GPI: variants seen among roughly 807,000 people sequenced by gnomAD.
GPI encodes D-hexose-6-phosphate anomerase.
Under a neutral mutation model 75.8 loss-of-function variants are expected in GPI, and 56 were observed. The ratio of observed to expected loss-of-function variants is 0.74; its 90% CI spans 0.60 to 0.92. The LOEUF (loss-of-function observed/expected upper bound fraction) is 0.92. GPI is among the 40% of genes least tolerant of loss of function. The pLI, the probability that GPI is intolerant of heterozygous loss-of-function variation, is 0.00. For synonymous variants in GPI, 288 were observed against 285.4 expected (o/e 1.01, Z -0.09); for missense variants, 638 against 741.0 (o/e 0.86, Z 1.61).
At position 34,378,930 on chromosome 19, in the gene GPI, G is replaced by A; in HGVS notation, c.634-4G>A. 2 of 1,613,766 alleles carry A rather than the reference G, an allele frequency of 1.2e-6. No homozygotes were observed. Among genetic ancestry groups the A allele is most frequent in the Admixed American group, 3.3e-5 (2 of 60,032 alleles). ...GCGCCCACTGCTGTTCTCTTTGGTT[G>A]CAGACCTTTACTACCCAGGAGACCA... On this transcript the variant is annotated splice_region_variant and splice_polypyrimidine_tract_variant and intron_variant, in intron 6 of 17. Transcript: ENST00000356487.
intron 9 of GPI, chr19:34,392,873 G>T: frequency 1.6e-5 from 5 of 322,496 alleles, no homozygotes; most frequent in South Asian, 9.1e-5. Flanking sequence ...GAGGCCTGGG[G>T]TCTGTCCGTG....
At chr19:34,397,571 C>T (rs911683866) in intron 14 of GPI, 23 of 152,216 alleles carry the variant, frequency 1.5e-4, no homozygotes, top group African/African-American at 5.5e-4. Context: ...TTCTCAACGT[C>T]CCAGGCTCAA....
chr19:34,367,712 T>G (rs2074387680), intron 3 of GPI, among the ~76,000 whole-genome samples: 1 of 152,190 alleles, frequency 6.6e-6, no homozygotes, highest in Non-Finnish European at 1.5e-5. Context: ...GCCAGCCGCC[T>G]GGCACCCGTC....
upstream of GPI, chr19:34,363,472 C>A (rs1417086725): frequency 1.3e-5 from 2 of 152,208 alleles, no homozygotes; most frequent in Admixed American, 6.5e-5. Flanking sequence ...GGTGGGAATT[C>A]TCTTCTGTGT....
At chr19:34,365,052 C>A (rs1182916184), upstream of GPI, 16 of 1,446,650 alleles carry the variant, frequency 1.1e-5, no homozygotes, top group East Asian at 6.1e-5. Context: ...CCCAGATCAG[C>A]GGCCGCGGGC....
intron 14 of GPI, chr19:34,398,195 C>T (rs559761439): frequency 9.2e-5 from 14 of 152,212 alleles, no homozygotes; most frequent in African/African-American, 3.4e-4. Flanking sequence ...GGAACAGGCA[C>T]ACGCCACCAC....
intron 2 of GPI, 59 bp downstream of exon 2, chr19:34,366,494 C>T: frequency 2.6e-6 from 3 of 1,152,676 alleles, no homozygotes; most frequent in Non-Finnish European, 4.0e-6. Flanking sequence ...GTGAGCTGGG[C>T]TCCTGGGAGT....
At position 34,366,329 on chromosome 19, in the gene GPI, C is replaced by G. The variant is rs763394513; in HGVS notation, c.123-16C>G. On this transcript the variant is annotated splice_polypyrimidine_tract_variant and intron_variant, in intron 1 of 17. Transcript: ENST00000356487. ...GAGACCAGGGTGTGGTCAGCAGCAT[C>G]TCCATCTTTCTGCAGCTTGACCCTC... 3 of 1,543,002 alleles carry G rather than the reference C, an allele frequency of 1.9e-6. No homozygotes were observed. The African/African-American group carries it at 4.1e-5, about 21-fold the overall frequency.
At chr19:34,381,914 A>G (rs1235174854) in intron 9 of GPI, among the ~76,000 whole-genome samples, 1 of 152,190 alleles carries the variant, frequency 6.6e-6, no homozygotes, top group Non-Finnish European at 1.5e-5. Flanking sequence ...ATGACCGGGT[A>G]GGCCTGGAAA....
In GPI at chr19:34,400,485, A is replaced by G. The variant is rs943178456; in HGVS notation, c.*449A>G. The G allele has an allele frequency of 7.6e-6, 4 of 523,318 alleles. No individual in the cohort carries two copies. Among genetic ancestry groups the G allele is most frequent in the African/African-American group, 5.7e-5 (3 of 52,398 alleles). The allele number at this position is 523,318 out of a possible 1,614,324, so 32.4% of individuals were successfully genotyped here. On this transcript the variant is annotated 3_prime_UTR_variant, in exon 18 of 18. Coordinates refer to ENST00000356487, the MANE Select transcript of GPI (RefSeq NM_000175.5). ...TGGAGCAAGGTGCCCTGAGAAGACAATAGTGGGGTGGGGGCACAATCAGTC... is the reference window on the plus strand; with the variant it reads ...TGGAGCAAGGTGCCCTGAGAAGACAGTAGTGGGGTGGGGGCACAATCAGTC...
intron 6 of GPI, among the ~76,000 whole-genome samples, chr19:34,378,563 G>C (rs886594264): frequency 6.6e-6 from 1 of 152,064 alleles, no homozygotes; most frequent in Non-Finnish European, 1.5e-5. Flanking sequence ...TAATAGAGGG[G>C]TTTTGTTTGT....
intron 14 of GPI, chr19:34,398,869 AT>A (rs952625427): frequency 4.1e-4 from 86 of 210,386 alleles, no homozygotes; most frequent in Middle Eastern, 1.9e-3. Flanking sequence ...GCCCAGCTAA[AT>A]TTTTTTTTGG....
At chr19:34,365,530 T>C in intron 1 of GPI, 142 bp downstream of exon 1, 1 of 1,328,266 alleles carries the variant, frequency 7.5e-7, no homozygotes, top group Non-Finnish European at 1.0e-6. Flanking sequence ...CCAGGCCGAG[T>C]CCGCACTTCG....
At chr19:34,392,206 C>CTGGTATGATGATCTGTGTCTTCCAGTGT (rs1399595372) in intron 9 of GPI, 42 of 24,044 alleles carry the variant, frequency 1.7e-3, no homozygotes, top group East Asian at 4.1e-3. Context: ...GGATCTGGCC[C>CTGGTATGATGATCTGTGTCTTCCAGTGT]CCTTATGAGG....
intron 8 of GPI, chr19:34,381,239 C>T (rs1568336987): frequency 1.7e-5 from 10 of 605,060 alleles, no homozygotes; most frequent in Admixed American, 1.3e-4. Context: ...GCAGGCACAA[C>T]GTCACTGGCG....
chr19:34,362,340 T>C (rs2074305948), upstream of GPI, among the ~76,000 whole-genome samples: 1 of 152,140 alleles, frequency 6.6e-6, no homozygotes, highest in Admixed American at 6.6e-5. Flanking sequence ...TCCATGTAAC[T>C]GGAGTTTCAA....
chr19:34,393,219 C>G lies in GPI; in HGVS notation c.805-29C>G. On this transcript the variant is annotated intron_variant, in intron 9 of 17. Coordinates refer to ENST00000356487, the MANE Select transcript of GPI (RefSeq NM_000175.5). This position sits in a 1 kb window ranked among gnomAD's most constrained non-coding sequence, Gnocchi z 4.4. ...GTGGGGGGCGGGGTGTGCCGGCCCT[C>G]CCTCAGCACCTTGTCCTGTCTCTCC... 2 of 1,580,496 alleles carry G rather than the reference C, an allele frequency of 1.3e-6. No homozygotes were observed. Among genetic ancestry groups the G allele is most frequent in the Non-Finnish European group, 1.7e-6 (2 of 1,149,528 alleles).
intron 4 of GPI, among the ~76,000 whole-genome samples, chr19:34,376,068 C>T (rs2074530672): frequency 6.6e-6 from 1 of 152,194 alleles, no homozygotes; most frequent in African/African-American, 2.4e-5. Context: ...AGGGATGTCT[C>T]ACTGTTGTAA....
upstream of GPI, chr19:34,365,033 A>T (rs964027063): frequency 4.0e-6 from 6 of 1,515,930 alleles, no homozygotes; most frequent in Non-Finnish European, 5.3e-6. Flanking sequence ...GGGAGAGAGG[A>T]GCTGAGGCCC....
Sources: allele counts gnomAD v4.1 joint callset (sites outside exome capture counted in the v4.1 genomes callset), GRCh38; gene constraint gnomAD v4.1.1; non-coding constraint Gnocchi (gnomAD v3.1); transcripts MANE v1.5; gene names NCBI Gene and HGNC (gene_info 2026-07-23, HGNC 2026-07-21).